The following GARNL3 variants were observed in gnomAD, a reference collection of about 807,000 sequenced individuals.
GARNL3 encodes the protein GTPase-activating Rap/Ran-GAP domain-like protein 3.
GARNL3 carries 63 observed loss-of-function variants against 125.0 expected under a neutral mutation model. That is an observed-to-expected ratio of 0.50 (90% CI 0.41 to 0.62). The LOEUF is 0.62. Ranked by LOEUF, GARNL3 falls within the 20% of genes least tolerant of loss-of-function variation. The pLI, the probability that GARNL3 is intolerant of heterozygous loss-of-function variation, is 0.00. For synonymous variants in GARNL3, 439 were observed against 457.5 expected, an observed-to-expected ratio of 0.96 and a Z score of 0.52; for missense variants, 994 against 1,244.0, an observed-to-expected ratio of 0.80 and a Z score of 3.02.
chr9:127,232,661 A>T (rs1156683097), intron 1 of GARNL3, among the ~76,000 whole-genome samples: 9 of 152,106 alleles, frequency 5.9e-5, no homozygotes, highest in Non-Finnish European at 2.9e-5. Flanking sequence ...CAGTAGTTAA[A>T]TTTTTTCTTA....
In GARNL3 at chr9:127,268,994, G is replaced by A. The variant is rs1345892939; in HGVS notation, c.144+3973G>A. ...CCACATTTTGTTTATCCATTTATCT[G>A]TTTTGTTTGTTTGTCTGTTTGTGAG... On this transcript the variant is annotated intron_variant, in intron 1 of 27. Coordinates refer to ENST00000373387, the MANE Select transcript of GARNL3 (RefSeq NM_032293.5). Among the ~76,000 whole-genome samples the A allele has an allele frequency of 2.6e-5, 4 of 152,118 alleles. No individual in the cohort carries two copies. In the East Asian group the frequency reaches 7.7e-4, roughly 29 times the overall value.
intron 23 of GARNL3, among the ~76,000 whole-genome samples, 194 bp downstream of exon 23, chr9:127,383,739 G>A (rs966663563): frequency 6.6e-6 from 1 of 151,996 alleles, no homozygotes; most frequent in South Asian, 2.1e-4. Context: ...GTCTTCTACT[G>A]TTCTTCCTAG....
rs760346504 is a variant in GARNL3 at position 127,354,320 on chromosome 9, A to C, written c.1669A>C (p.Arg557=). 16 of 1,613,554 alleles carry C rather than the reference A, an allele frequency of 9.9e-6. No individual in the cohort carries two copies. The highest frequency in any genetic ancestry group is 1.4e-5 in the Non-Finnish European group (16 of 1,179,704). The part of the protein sequence containing the change: ...KGKDARLFVF[R]LSALQKGLEG... ...AAAAGATGCTCGCCTCTTTGTCTTC[A>C]GGCTAAGTGCTCTGCAAAAGGGCCT... Residue 557 remains arginine, a synonymous_variant, in exon 19 of 28, where the codon AGG becomes CGG. Transcript: ENST00000373387.
In GARNL3 at chr9:127,227,660, T is replaced by A. The variant is rs1030673194; in HGVS notation, c.-29+3322T>A. 2.0e-5 allele frequency among the ~76,000 whole-genome samples: 3 copies of A among 151,374 alleles called. No individual in the cohort carries two copies. In the South Asian group the frequency reaches 6.3e-4, roughly 32 times the overall value. ...GTGGCTGGGCATCGCGGCTCACACCTACACTCAATGCATTGGGAGGCTGAG... is the reference window on the plus strand; with the variant it reads ...GTGGCTGGGCATCGCGGCTCACACCAACACTCAATGCATTGGGAGGCTGAG... On this transcript the variant is annotated intron_variant, in intron 1 of 10. Coordinates refer to the GARNL3 transcript ENST00000439286.
At chr9:127,313,601 G>A (rs1203659569) in intron 4 of GARNL3, 42 bp downstream of exon 4, 3 of 1,266,078 alleles carry the variant, frequency 2.4e-6, no homozygotes, top group Non-Finnish European at 3.5e-6. Flanking sequence ...TTATGCATCA[G>A]TTTCAGGAGA....
intron 17 of GARNL3, 153 bp from the exon 18 acceptor site, chr9:127,353,693 A>G (rs777916302): frequency 2.3e-4 from 158 of 687,444 alleles, no homozygotes; most frequent in Non-Finnish European, 3.7e-4. Context: ...TAGTGCTTGA[A>G]TGTATTTTGT....
intron 7 of GARNL3, among the ~76,000 whole-genome samples, chr9:127,329,359 C>G (rs183258072): frequency 6.6e-6 from 1 of 152,246 alleles, no homozygotes; most frequent in Non-Finnish European, 1.5e-5. Flanking sequence ...CTAGGGCTGT[C>G]TTGGCAAACT....
At position 127,385,185 on chromosome 9, in the gene GARNL3, G is replaced by C; in HGVS notation, c.2388+40G>C. 1.5e-6 allele frequency: 2 copies of C among 1,319,728 alleles called. No homozygotes were observed. The highest frequency in any genetic ancestry group is 2.1e-6 in the Non-Finnish European group (2 of 940,724). The allele number at this position is 1,319,728 out of a possible 1,614,324, so 81.8% of individuals were successfully genotyped here. ...GATTTTATCTCTGAGTGGTTTGGGGGACCCCGGCACTGTGGGATTTCAGGT... is the reference window on the plus strand; with the variant it reads ...GATTTTATCTCTGAGTGGTTTGGGGCACCCCGGCACTGTGGGATTTCAGGT... On this transcript the variant is annotated intron_variant, in intron 24 of 27. Coordinates refer to ENST00000373387, the MANE Select transcript of GARNL3 (RefSeq NM_032293.5). This position sits in a 1 kb window ranked among gnomAD's most constrained non-coding sequence, Gnocchi z 4.1.
At chr9:127,273,766 C>G (rs1037577815) in intron 1 of GARNL3, among the ~76,000 whole-genome samples, 4 of 152,158 alleles carry the variant, frequency 2.6e-5, no homozygotes, top group African/African-American at 9.7e-5. Context: ...AAATTTTTCT[C>G]AGGACCAAAA....
intron 13 of GARNL3, among the ~76,000 whole-genome samples, chr9:127,341,426 G>C (rs984030645): frequency 1.2e-4 from 18 of 152,198 alleles, no homozygotes; most frequent in Non-Finnish European, 2.5e-4. Context: ...ACCATGGCCA[G>C]GGTTGCCAGA....
chr9:127,234,087 T>C (rs541733106), intron 1 of GARNL3, among the ~76,000 whole-genome samples: 37 of 152,346 alleles, frequency 2.4e-4, no homozygotes, highest in African/African-American at 8.4e-4. Context: ...ACAGCAGCCT[T>C]CTTGGGAAAG....
At chr9:127,249,495 A>T (rs1182493203) in intron 2 of GARNL3, among the ~76,000 whole-genome samples, 1 of 152,022 alleles carries the variant, frequency 6.6e-6, no homozygotes, top group African/African-American at 2.4e-5. Context: ...CTGAGGTGGG[A>T]GGATCACCTG....
intron 2 of GARNL3, among the ~76,000 whole-genome samples, chr9:127,306,537 C>T (rs1350867382): frequency 6.6e-6 from 1 of 151,764 alleles, no homozygotes; most frequent in African/African-American, 2.4e-5. Context: ...ACCATCCTGG[C>T]TAACACGGTG....
chr9:127,383,348 C>G (rs1832369456), intron 22 of GARNL3, 90 bp from the exon 23 acceptor site: 4 of 746,964 alleles, frequency 5.4e-6, no homozygotes, highest in Non-Finnish European at 9.1e-6. Flanking sequence ...AGATAGGGTA[C>G]TATTCTTGTT....
intron 2 of GARNL3, among the ~76,000 whole-genome samples, chr9:127,310,756 A>G (rs1370908425): frequency 1.3e-5 from 2 of 150,768 alleles, no homozygotes; most frequent in African/African-American, 4.9e-5. Context: ...CCTGTGCAAC[A>G]GAGTAAGACT....
rs142210517 is a variant in GARNL3, at chr9:127,232,194, G to A, written c.-29+7856G>A. 5.3e-4 allele frequency among the ~76,000 whole-genome samples: 80 copies of A among 152,284 alleles called. No individual in the cohort carries two copies. The East Asian group carries it at 0.015, about 28-fold the overall frequency. Reference sequence around the variant, plus strand: ...ATGGCCACTTGCAGTACCAATGTTCGTAGGCTGATTCCAGGTGTAGCCTTA... The same window carrying A: ...ATGGCCACTTGCAGTACCAATGTTCATAGGCTGATTCCAGGTGTAGCCTTA... On this transcript the variant is annotated intron_variant, in intron 1 of 10. Transcript: ENST00000439286.
In GARNL3 at chr9:127,349,109, C is replaced by T. The variant is rs1830297577; in HGVS notation, c.1543+74C>T. Reference sequence around the variant, plus strand: ...TACTTCTAAGATGAGTGACCACCAACCAACTCCCTTTGGGCCATAAATGTG... The same window carrying T: ...TACTTCTAAGATGAGTGACCACCAATCAACTCCCTTTGGGCCATAAATGTG... On this transcript the variant is annotated intron_variant, in intron 17 of 27. Transcript: ENST00000373387. The T allele has an allele frequency of 4.0e-6, 4 of 998,864 alleles. No individual in the cohort carries two copies. In the East Asian group the frequency reaches 9.6e-5, roughly 24 times the overall value. 61.9% of individuals were successfully genotyped at this position (998,864 alleles called of 1,614,324 possible). A position where few individuals can be genotyped will look rare whatever the true frequency, so the allele number is the denominator to read the frequency against.
chr9:127,300,617 G>T, intron 2 of GARNL3: 1 of 296,884 alleles, frequency 3.4e-6, no homozygotes, highest in Non-Finnish European at 6.5e-6. Context: ...ACCACGCTTG[G>T]CTAATTTTTG....
intron 12 of GARNL3, among the ~76,000 whole-genome samples, chr9:127,339,213 T>G (rs969105107): frequency 6.6e-6 from 1 of 150,780 alleles, no homozygotes; most frequent in African/African-American, 2.4e-5. Flanking sequence ...AGGAGAATGG[T>G]GTGAACCCGG....
Sources: allele counts gnomAD v4.1 joint callset (sites outside exome capture counted in the v4.1 genomes callset), GRCh38; gene constraint gnomAD v4.1.1; non-coding constraint Gnocchi (gnomAD v3.1); transcripts MANE v1.5; gene names NCBI Gene and HGNC (gene_info 2026-07-23, HGNC 2026-07-21).